TSNARE1: variants seen among roughly 807,000 people sequenced by gnomAD.
TSNARE1 encodes t-SNARE domain containing 1, also known as t-SNARE domain-containing protein 1.
In TSNARE1, 49 loss-of-function variants were observed where a neutral mutation model predicts 62.0. The observed-to-expected ratio is 0.79, with a 90% confidence interval of 0.63 to 1.00. The LOEUF (loss-of-function observed/expected upper bound fraction) is 1.00, where lower values mean the gene tolerates loss of function less well. Among genes scored for constraint, TSNARE1 ranks in the 50% least tolerant of loss-of-function variants. TSNARE1 has a pLI of 0.00. For missense variants in TSNARE1, 755 were observed against 700.1 expected (o/e 1.08, Z -0.88); for synonymous variants, 328 against 294.4 (o/e 1.11, Z -1.17).
At chr8:142,237,479 C>T (rs921885611) in intron 12 of TSNARE1, among the ~76,000 whole-genome samples, 9 of 152,212 alleles carry the variant, frequency 5.9e-5, no homozygotes, top group African/African-American at 1.9e-4. Context: ...AAGGGGCCCC[C>T]GTGAGTGCAC....
intron 12 of TSNARE1, among the ~76,000 whole-genome samples, chr8:142,252,957 G>A (rs189231262): frequency 0.013 from 2,042 of 152,334 alleles, 25 homozygotes; most frequent in Non-Finnish European, 0.018. Flanking sequence ...GTCCACTCCG[G>A]CCCAGGTGTG....
chr8:142,217,351 GAAAGAAAGAAAGAAAGAAAGAAAA>G (rs1328217601), intron 13 of TSNARE1, among the ~76,000 whole-genome samples: 1 of 114,272 alleles, frequency 8.8e-6, no homozygotes, highest in Non-Finnish European at 1.9e-5. Context: ...AAGAAAGAAA[GAAAGAAAGAAAGAAAGAAAGAAAA>G]AAGGGAAAGA....
At chr8:142,276,095 C>T (rs1820435171) in intron 11 of TSNARE1, 7 of 985,360 alleles carry the variant, frequency 7.1e-6, no homozygotes, top group East Asian at 1.1e-4. Flanking sequence ...CTAGTGGAGC[C>T]GCAGGCACTC....
chr8:142,260,059 A>G (rs1439252780), intron 12 of TSNARE1, among the ~76,000 whole-genome samples: 2 of 151,688 alleles, frequency 1.3e-5, no homozygotes. Context: ...CCTGGCTTCC[A>G]GGCACAGTTA....
chr8:142,252,132 G>A (rs916954171), intron 12 of TSNARE1, among the ~76,000 whole-genome samples: 6 of 151,766 alleles, frequency 4.0e-5, no homozygotes, highest in East Asian at 1.9e-4. Context: ...CCCGCCGCCC[G>A]CGTTCTCTGT....
At chr8:142,296,528 ACAAGTACTGG>A in intron 10 of TSNARE1, among the ~76,000 whole-genome samples, 1 of 152,026 alleles carries the variant, frequency 6.6e-6, no homozygotes, top group Admixed American at 6.5e-5. Context: ...CGTCGGTTCC[ACAAGTACTGG>A]CAAGTCGCTG....
intron 2 of TSNARE1, among the ~76,000 whole-genome samples, chr8:142,354,131 T>C (rs549419187): frequency 5.3e-5 from 8 of 151,116 alleles, no homozygotes; most frequent in Non-Finnish European, 7.4e-5. Flanking sequence ...AGGGTGGGGG[T>C]GGATGAGGTG....
intron 11 of TSNARE1, chr8:142,276,296 A>G (rs2130649719): frequency 2.0e-6 from 2 of 985,436 alleles, no homozygotes. Context: ...ATGTCCTGCC[A>G]CATTAGGGTC....
intron 10 of TSNARE1, among the ~76,000 whole-genome samples, chr8:142,297,685 G>A (rs1359511575): frequency 1.3e-5 from 2 of 152,270 alleles, no homozygotes; most frequent in Admixed American, 6.5e-5. Context: ...CAGAGCAATC[G>A]GGCCAGCAGG....
chr8:142,304,253 C>T (rs938648288), intron 9 of TSNARE1, among the ~76,000 whole-genome samples: 1 of 152,252 alleles, frequency 6.6e-6, no homozygotes, highest in Non-Finnish European at 1.5e-5. Flanking sequence ...GAGGCGCTGG[C>T]CTCGCGCCAA....
chr8:142,252,466 G>C (rs888449546), intron 12 of TSNARE1, among the ~76,000 whole-genome samples: 1 of 152,216 alleles, frequency 6.6e-6, no homozygotes, highest in Non-Finnish European at 1.5e-5. Context: ...GTTTGAGGTG[G>C]TGCTGCCGGC....
chr8:142,401,973 C>T (rs1409060173), intron 1 of TSNARE1, among the ~76,000 whole-genome samples: 1 of 152,088 alleles, frequency 6.6e-6, no homozygotes, highest in African/African-American at 2.4e-5. Flanking sequence ...GCAACAATCC[C>T]CACCCCTGTC....
chr8:142,215,969 G>A (rs1024089412), intron 13 of TSNARE1, among the ~76,000 whole-genome samples: 5 of 152,156 alleles, frequency 3.3e-5, no homozygotes, highest in South Asian at 2.1e-4. Context: ...GATGGCCCTC[G>A]GGCCCTGTGC....
intron 10 of TSNARE1, among the ~76,000 whole-genome samples, chr8:142,295,830 A>G (rs974040771): frequency 1.3e-5 from 2 of 150,758 alleles, no homozygotes; most frequent in African/African-American, 4.9e-5. Flanking sequence ...AACCCCCTGC[A>G]CTCACCACAC....
chr8:142,222,755 CTCACTCACTCAT>C, intron 13 of TSNARE1, among the ~76,000 whole-genome samples: 1 of 100,322 alleles, frequency 1.0e-5, no homozygotes, highest in African/African-American at 3.7e-5. Flanking sequence ...CACTCATCCA[CTCACTCACTCAT>C]TCACTCATCC....
At position 142,349,116 on chromosome 8, in the gene TSNARE1, C is replaced by T. The variant is rs566409639; in HGVS notation, c.89-3224G>A. Among the ~76,000 whole-genome samples, 131 of 152,240 alleles carry T rather than the reference C, an allele frequency of 8.6e-4. 2 individuals are homozygous for T. The highest frequency in any genetic ancestry group is 7.9e-4 in the Admixed American group (12 of 15,280). ...GCACTGAGCCAGGCTCGCCCCCATG[C>T]CCCAGAAGCAGCCCCAGCGCGACGA... On this transcript the variant is annotated intron_variant, in intron 2 of 13. Transcript: ENST00000524325.
Position 142,223,108 on chromosome 8 carries a change from ACTCG to A in TSNARE1, c.*11+6361_*11+6364del, listed in dbSNP as rs1206209842. 5.2e-4 allele frequency among the ~76,000 whole-genome samples: 63 copies of A among 121,682 alleles called. 2 individuals are homozygous for A. The highest frequency in any genetic ancestry group is 2.1e-3 in the African/African-American group (59 of 27,572). 79.8% of individuals were successfully genotyped at this position (121,682 alleles called of 152,430 possible). ...CACTCATTCATCCACTCATTCACTC[ACTCG>A]TTCACTCATTCACTCATTCACTCAT... On this transcript the variant is annotated intron_variant, in intron 13 of 13. Coordinates refer to ENST00000524325, the MANE Select transcript of TSNARE1 (RefSeq NM_145003.5).
chr8:142,354,905 CT>C (rs1489591406), intron 1 of TSNARE1, 142 bp from the exon 2 acceptor site: 1 of 579,172 alleles, frequency 1.7e-6, no homozygotes, highest in Non-Finnish European at 3.1e-6. Flanking sequence ...CTACTCCAGG[CT>C]TCTCACCAGC....
At chr8:142,310,401 G>A (rs141367187) in intron 9 of TSNARE1, among the ~76,000 whole-genome samples, 46 of 151,364 alleles carry the variant, frequency 3.0e-4, no homozygotes, top group African/African-American at 9.6e-4. Context: ...CATCATCACC[G>A]TTCCACCGTC....
Sources: allele counts gnomAD v4.1 joint callset (sites outside exome capture counted in the v4.1 genomes callset), GRCh38; gene constraint gnomAD v4.1.1; transcripts MANE v1.5; gene names NCBI Gene and HGNC (gene_info 2026-07-23, HGNC 2026-07-21).